ASH1L: variants seen among roughly 807,000 people sequenced by gnomAD.
ASH1L encodes the protein histone-lysine N-methyltransferase ASH1L.
In ASH1L, 23 loss-of-function variants were observed where a neutral mutation model predicts 269.0. The observed-to-expected ratio is 0.09, with a 90% CI of 0.06 to 0.12. The LOEUF (loss-of-function observed/expected upper bound fraction) is 0.12, where lower values mean the gene tolerates loss of function less well. Among genes scored for constraint, ASH1L ranks in the 10% least tolerant of loss-of-function variants. ASH1L has a pLI of 1.00. For synonymous variants in ASH1L, 1,187 were observed against 1,253.5 expected (o/e 0.95, Z 1.12); for missense variants, 2,912 against 3,567.8 (o/e 0.82, Z 4.68).
At chr1:155,388,596 C>T (rs921352578) in intron 7 of ASH1L, among the ~76,000 whole-genome samples, 7 of 152,176 alleles carry the variant, frequency 4.6e-5, no homozygotes, top group Middle Eastern at 3.4e-3. Context: ...GCTTGAGCCA[C>T]TGGGCCTGGC....
intron 4 of ASH1L, among the ~76,000 whole-genome samples, chr1:155,455,943 T>C (rs1663831729): frequency 6.6e-6 from 1 of 152,192 alleles, no homozygotes; most frequent in Admixed American, 6.5e-5. Flanking sequence ...TATTTTCCCG[T>C]ACATTGTTAA....
At chr1:155,508,883 C>A (rs1051641321) in intron 2 of ASH1L, among the ~76,000 whole-genome samples, 3 of 152,076 alleles carry the variant, frequency 2.0e-5, no homozygotes, top group African/African-American at 7.2e-5. Flanking sequence ...TGGGTAAGTG[C>A]ATCAAGTCAT....
chr1:155,520,886 T>A (rs1019980851), intron 2 of ASH1L, among the ~76,000 whole-genome samples: 1 of 152,156 alleles, frequency 6.6e-6, no homozygotes, highest in Non-Finnish European at 1.5e-5. Flanking sequence ...AATAAAATTT[T>A]AAAATAATTT....
At chr1:155,362,900 C>T (rs1168843149) in intron 12 of ASH1L, among the ~76,000 whole-genome samples, 1 of 152,096 alleles carries the variant, frequency 6.6e-6, no homozygotes, top group East Asian at 1.9e-4. Context: ...TTAGATACTG[C>T]CCTATTACAT....
intron 7 of ASH1L, among the ~76,000 whole-genome samples, chr1:155,388,919 A>G (rs907892730): frequency 6.7e-6 from 1 of 150,016 alleles, no homozygotes; most frequent in African/African-American, 2.5e-5. Flanking sequence ...ACATTGCCTA[A>G]GTTGGTCTCA....
intron 5 of ASH1L, among the ~76,000 whole-genome samples, chr1:155,434,986 C>T (rs960762799): frequency 1.3e-5 from 2 of 152,086 alleles, no homozygotes; most frequent in East Asian, 1.9e-4. Flanking sequence ...GGGGAAACCC[C>T]GTCTCTACTA....
At chr1:155,366,319 G>T (rs906021269) in intron 12 of ASH1L, among the ~76,000 whole-genome samples, 2 of 152,142 alleles carry the variant, frequency 1.3e-5, no homozygotes, top group African/African-American at 4.8e-5. Context: ...GGAACCCTTA[G>T]GTCTGCGAAT....
Position 155,511,204 on chromosome 1 carries a change from A to C in ASH1L, c.420+9896T>G, listed in dbSNP as rs543543048. Among the ~76,000 whole-genome samples, 87 of 152,338 alleles carry C rather than the reference A, an allele frequency of 5.7e-4. 1 individual carries two copies. The highest frequency in any genetic ancestry group is 1.9e-3 in the African/African-American group (81 of 41,570). On this transcript the variant is annotated intron_variant, in intron 2 of 27. Transcript: ENST00000392403. Reference sequence around the variant, plus strand: ...CTTCAGGTTTCCCTTTGTTTGCAAAACACCACCACAGTTAAGAACTCACTG... The same window carrying C: ...CTTCAGGTTTCCCTTTGTTTGCAAACCACCACCACAGTTAAGAACTCACTG...
intron 1 of ASH1L, among the ~76,000 whole-genome samples, chr1:155,524,521 CAAAAAAAAAAA>C (rs749990170): frequency 3.5e-5 from 2 of 57,282 alleles, no homozygotes; most frequent in Non-Finnish European, 7.1e-5. Flanking sequence ...GACTCCGTCT[CAAAAAAAAAAA>C]AAAAAAAAGT....
chr1:155,447,254 A>T (rs532533761), intron 4 of ASH1L, among the ~76,000 whole-genome samples: 5 of 152,224 alleles, frequency 3.3e-5, no homozygotes, highest in East Asian at 1.9e-4. Context: ...GCTTTTTTTT[A>T]AAAACCATGA....
chr1:155,437,668 T>C (rs1174430193), intron 5 of ASH1L, among the ~76,000 whole-genome samples: 1 of 152,220 alleles, frequency 6.6e-6, no homozygotes, highest in Non-Finnish European at 1.5e-5. Context: ...ATAGCGGCGT[T>C]ACGGCATGGA....
upstream of ASH1L, chr1:155,562,811 T>G: frequency 1.9e-6 from 1 of 533,382 alleles, no homozygotes; most frequent in Non-Finnish European, 3.5e-6. Context: ...CTCCTCCTCC[T>G]CCTCCTCCAC....
chr1:155,451,239 A>T (rs2148655428), intron 4 of ASH1L, among the ~76,000 whole-genome samples: 1 of 151,766 alleles, frequency 6.6e-6, no homozygotes, highest in South Asian at 2.1e-4. Flanking sequence ...TAAAAAATAA[A>T]CCCTGAGGAA....
intron 26 of ASH1L, among the ~76,000 whole-genome samples, chr1:155,339,040 T>C (rs1344479333): frequency 1.3e-5 from 2 of 152,198 alleles, no homozygotes; most frequent in African/African-American, 4.8e-5. Context: ...CTTGAGGTAA[T>C]GGGGAAAGCT....
intron 6 of ASH1L, among the ~76,000 whole-genome samples, chr1:155,412,465 T>G (rs1432420327): frequency 2.0e-5 from 3 of 152,044 alleles, no homozygotes; most frequent in African/African-American, 7.2e-5. Flanking sequence ...TTCAGAGAGT[T>G]TCTGGATAGC....
chr1:155,548,149 T>C (rs1670955883), intron 1 of ASH1L, among the ~76,000 whole-genome samples: 1 of 151,804 alleles, frequency 6.6e-6, no homozygotes, highest in Admixed American at 6.6e-5. Context: ...GGGAACAACA[T>C]ACTGGGGCCA....
chr1:155,463,104 ACT>A (rs1049883938), intron 3 of ASH1L, among the ~76,000 whole-genome samples: 28 of 152,340 alleles, frequency 1.8e-4, no homozygotes, highest in African/African-American at 6.7e-4. Flanking sequence ...CCAGAAATAC[ACT>A]GTTTTATAAA....
intron 4 of ASH1L, among the ~76,000 whole-genome samples, chr1:155,443,662 T>C (rs1662772700): frequency 6.6e-6 from 1 of 152,212 alleles, no homozygotes; most frequent in Non-Finnish European, 1.5e-5. Flanking sequence ...TAAGTTTGCT[T>C]TTCTAGAAGT....
At chr1:155,518,743 G>A (rs1010538429) in intron 2 of ASH1L, among the ~76,000 whole-genome samples, 14 of 150,976 alleles carry the variant, frequency 9.3e-5, no homozygotes, top group African/African-American at 3.4e-4. Context: ...GAAAACAAAA[G>A]GAAGGGGAGG....
Sources: allele counts gnomAD v4.1 joint callset (sites outside exome capture counted in the v4.1 genomes callset), GRCh38; gene constraint gnomAD v4.1.1; transcripts MANE v1.5; gene names NCBI Gene and HGNC (gene_info 2026-07-23, HGNC 2026-07-21).